The following ZNF451 variants were observed in gnomAD, a reference collection of about 807,000 sequenced individuals.
The protein encoded by ZNF451 is E3 SUMO-protein ligase ZNF451.
Under a neutral mutation model 107.1 loss-of-function variants are expected in ZNF451, and 80 were observed. That is an observed-to-expected ratio of 0.75 (90% confidence interval 0.62 to 0.90). The LOEUF is 0.90. Among genes scored for constraint, ZNF451 ranks in the 40% least tolerant of loss-of-function variants. The probability of loss-of-function intolerance (pLI) is 0.00; values close to 1 mark genes in which losing one functional copy is unlikely to be tolerated. For synonymous variants in ZNF451, 362 were observed against 406.5 expected (o/e 0.89, Z 1.32); for missense variants, 1,107 against 1,236.2 (o/e 0.90, Z 1.57).
intron 10 of ZNF451, among the ~76,000 whole-genome samples, chr6:57,150,359 G>A (rs1032719447): frequency 1.3e-5 from 2 of 152,140 alleles, no homozygotes; most frequent in African/African-American, 4.8e-5. Context: ...TATATGGGTG[G>A]TATTAGTTTT....
In ZNF451 at chr6:57,102,721, C is replaced by T. The variant is rs1829665101; in HGVS notation, c.186+3580C>T. On this transcript the variant is annotated intron_variant, in intron 3 of 14. Transcript: ENST00000370706. Reference sequence around the variant, plus strand: ...AATTCAAATCAAATTTTGCCAAATCCAGTTTGCTTCCCCTTGGAATGGCTA... The same window carrying T: ...AATTCAAATCAAATTTTGCCAAATCTAGTTTGCTTCCCCTTGGAATGGCTA... The T allele has an allele frequency of 1.2e-5, 12 of 985,314 alleles. 1 individual carries two copies. In the South Asian group the frequency reaches 5.6e-4, roughly 46 times the overall value. The allele number at this position is 985,314 out of a possible 1,614,324, so 61.0% of individuals were successfully genotyped here. A position where few individuals can be genotyped will look rare whatever the true frequency, so the allele number is the denominator to read the frequency against.
At chr6:57,121,311 G>T (rs1830626637) in intron 3 of ZNF451, among the ~76,000 whole-genome samples, 1 of 152,170 alleles carries the variant, frequency 6.6e-6, no homozygotes, top group African/African-American at 2.4e-5. Context: ...AAGTCAGTTA[G>T]TGTCAGTCCT....
rs1274009177 is a variant in ZNF451 at position 57,169,119 on chromosome 6, A to C, written c.*650A>C. Reference sequence around the variant, plus strand: ...TAATTTTTAAGAAATAATTTAAATGAAACAATTTCCATTCCTTTTACCTGC... The same window carrying C: ...TAATTTTTAAGAAATAATTTAAATGCAACAATTTCCATTCCTTTTACCTGC... On this transcript the variant is annotated 3_prime_UTR_variant, in exon 15 of 15. Coordinates refer to ENST00000370706, the MANE Select transcript of ZNF451 (RefSeq NM_001031623.3). 1.3e-5 allele frequency: 2 copies of C among 152,224 alleles called. No individual in the cohort carries two copies. Among genetic ancestry groups the C allele is most frequent in the African/African-American group, 4.8e-5 (2 of 41,466 alleles). 9.4% of individuals were successfully genotyped at this position (152,224 alleles called of 1,614,324 possible).
chr6:57,107,824 G>A (rs1829936525), intron 3 of ZNF451: 1 of 842,710 alleles, frequency 1.2e-6, no homozygotes, highest in Admixed American at 6.3e-5. Context: ...AAAGTAAATA[G>A]TTTATATTTG....
intron 3 of ZNF451, chr6:57,109,098 C>T (rs1326217500): frequency 1.0e-6 from 1 of 985,272 alleles, no homozygotes; most frequent in Non-Finnish European, 1.2e-6. Context: ...TTAACTAATT[C>T]CTGATTATTT....
At chr6:57,112,130 AGTGTTATTTG>A (rs1384139074) in intron 3 of ZNF451, among the ~76,000 whole-genome samples, 1 of 152,164 alleles carries the variant, frequency 6.6e-6, no homozygotes, top group East Asian at 1.9e-4. Flanking sequence ...TGCTTTTCAA[AGTGTTATTTG>A]GGATACGGGT....
chr6:57,150,618 A>G, intron 10 of ZNF451, 101 bp from the exon 11 acceptor site: 1 of 1,163,030 alleles, frequency 8.6e-7, no homozygotes, highest in Non-Finnish European at 1.2e-6. Flanking sequence ...ATTCAAGGTT[A>G]GTATTTTTGC....
intron 2 of ZNF451, among the ~76,000 whole-genome samples, chr6:57,096,475 C>T (rs1313115066): frequency 5.9e-5 from 9 of 151,872 alleles, no homozygotes; most frequent in South Asian, 2.1e-4. Context: ...CATGAGCCAC[C>T]GTGCCCAGCC....
At chr6:57,152,686 T>G (rs1399190466) in intron 12 of ZNF451, among the ~76,000 whole-genome samples, 2 of 152,130 alleles carry the variant, frequency 1.3e-5, no homozygotes, top group African/African-American at 2.4e-5. Flanking sequence ...CTCAGCCCCC[T>G]GGGCTGAAAT....
rs1162882711 is a variant in ZNF451, at chr6:57,153,995, A to G, written c.3018A>G (p.Leu1006=). Reference sequence around the variant, plus strand: ...CTCATATACTAAACCCTCACCACTTAGAGGGAGATATGATGTGTGCCTTGT... The same window carrying G: ...CTCATATACTAAACCCTCACCACTTGGAGGGAGATATGATGTGTGCCTTGT... ...RPAHILNPHH[L]EGDMMCALLN... is the part of the protein sequence containing the mutation. Residue 1006 remains leucine, a synonymous_variant, in exon 13 of 15, where the codon TTA becomes TTG. Coordinates refer to ENST00000370706, the MANE Select transcript of ZNF451 (RefSeq NM_001031623.3). The G allele has an allele frequency of 6.2e-7, 1 of 1,614,192 alleles. No individual in the cohort carries two copies. The highest frequency in any genetic ancestry group is 2.2e-5 in the East Asian group (1 of 44,880).
At chr6:57,126,876 T>A (rs1292581348) in intron 4 of ZNF451, among the ~76,000 whole-genome samples, 4 of 152,232 alleles carry the variant, frequency 2.6e-5, no homozygotes, top group African/African-American at 9.6e-5. Flanking sequence ...AATTCTATTA[T>A]AAGAAATGCC....
intron 3 of ZNF451, chr6:57,108,519 AT>A (rs926891488): frequency 4.4e-5 from 43 of 982,346 alleles, no homozygotes; most frequent in South Asian, 1.4e-4. Flanking sequence ...TTTTCAATTC[AT>A]TTTTTTTTAC....
At chr6:57,094,426 A>G (rs1829193860) in intron 2 of ZNF451, among the ~76,000 whole-genome samples, 1 of 152,078 alleles carries the variant, frequency 6.6e-6, no homozygotes, top group Admixed American at 6.6e-5. Flanking sequence ...CTCCCTCCCC[A>G]GCCTTCCGAG....
At chr6:57,093,360 C>G (rs1291613073) in intron 2 of ZNF451, among the ~76,000 whole-genome samples, 2 of 152,104 alleles carry the variant, frequency 1.3e-5, no homozygotes, top group Admixed American at 6.5e-5. Context: ...CCACATAGAT[C>G]AAGTATTAAT....
chr6:57,104,443 A>G, intron 3 of ZNF451: 4 of 985,384 alleles, frequency 4.1e-6, no homozygotes, highest in Non-Finnish European at 4.8e-6. Flanking sequence ...CCTTCCCTGA[A>G]TTAGATGCTA....
chr6:57,095,603 G>C (rs1038793555), intron 2 of ZNF451, among the ~76,000 whole-genome samples: 7 of 151,910 alleles, frequency 4.6e-5, no homozygotes, highest in Non-Finnish European at 1.0e-4. Context: ...AAAGTGCTGG[G>C]ATTATAGGCG....
chr6:57,148,314 A>C lies in ZNF451; in HGVS notation c.2229A>C (p.Gln743His), dbSNP rs779990395. ...AAGAAGATTATAGCAGATGTCTCCA[A>C]ATCATGCTGGATAAAGGAAAACTGT... is the stretch of plus-strand genomic sequence containing the variant. ...NRKEDYSRCL[Q>H]IMLDKGKLWF... The change falls in exon 10 of 15, where the codon CAA becomes CAC. Residue 743 changes from glutamine (Q) to histidine (H), a missense_variant. Around this residue, in one of 5 missense-constraint regions of ZNF451, gnomAD observed 608 missense variants for 649.2 expected, o/e 0.94. Coordinates refer to ENST00000370706, the MANE Select transcript of ZNF451 (RefSeq NM_001031623.3). The C allele has an allele frequency of 6.2e-7, 1 of 1,614,110 alleles. No individual in the cohort carries two copies. The highest frequency in any genetic ancestry group is 2.2e-5 in the East Asian group (1 of 44,874).
intron 2 of ZNF451, chr6:57,091,439 G>GT (rs1331308297): frequency 3.5e-5 from 5 of 143,794 alleles, no homozygotes; most frequent in Non-Finnish European, 7.6e-5. Flanking sequence ...TGAGACAGTA[G>GT]TTTTCAAGCC....
chr6:57,168,557 T>A lies in ZNF451; in HGVS notation c.*88T>A, dbSNP rs183348294. Reference sequence around the variant, plus strand: ...TTTGTTTTCTAAAGGAGACCAGAAATCCACTATTACAAATGTATTTGAAAA... The same window carrying A: ...TTTGTTTTCTAAAGGAGACCAGAAAACCACTATTACAAATGTATTTGAAAA... On this transcript the variant is annotated 3_prime_UTR_variant, in exon 15 of 15. Coordinates refer to ENST00000370706, the MANE Select transcript of ZNF451 (RefSeq NM_001031623.3). 2.0e-4 allele frequency: 200 copies of A among 993,080 alleles called. No individual in the cohort carries two copies. In the Admixed American group the frequency reaches 3.6e-3, roughly 18 times the overall value. 61.5% of individuals were successfully genotyped at this position (993,080 alleles called of 1,614,324 possible).
Sources: allele counts gnomAD v4.1 joint callset (sites outside exome capture counted in the v4.1 genomes callset), GRCh38; gene constraint gnomAD v4.1.1; regional missense constraint gnomAD v4.1.1; transcripts MANE v1.5; gene names NCBI Gene and HGNC (gene_info 2026-07-23, HGNC 2026-07-21).